DNAJC13: variants seen among roughly 807,000 people sequenced by gnomAD.
DNAJC13 encodes the protein DnaJ heat shock protein family (Hsp40) member C13, also known as dnaJ homolog subfamily C member 13.
In DNAJC13, 75 loss-of-function variants were observed where a neutral mutation model predicts 290.5. The ratio of observed to expected loss-of-function variants is 0.26; its 90% CI spans 0.21 to 0.31. DNAJC13 has a LOEUF of 0.31. Ranked by LOEUF, DNAJC13 falls within the 10% of genes least tolerant of loss-of-function variation. The pLI, the probability that DNAJC13 is intolerant of heterozygous loss-of-function variation, is 1.00. For synonymous variants in DNAJC13, 862 were observed against 892.0 expected (o/e 0.97, Z 0.60); for missense variants, 2,260 against 2,674.5 (o/e 0.85, Z 3.42).
At chr3:132,529,693 A>C (rs1936358502) in intron 54 of DNAJC13, among the ~76,000 whole-genome samples, 1 of 151,488 alleles carries the variant, frequency 6.6e-6, no homozygotes, top group African/African-American at 2.4e-5. Flanking sequence ...AGGCTGAGGC[A>C]GGAGAATGGC....
intron 46 of DNAJC13, among the ~76,000 whole-genome samples, chr3:132,515,860 T>C (rs1935904942): frequency 6.6e-6 from 1 of 152,212 alleles, no homozygotes; most frequent in Non-Finnish European, 1.5e-5. Flanking sequence ...ACTTTATTCC[T>C]TTGGCAACCT....
At chr3:132,487,301 G>T (rs1220779384) in intron 29 of DNAJC13, among the ~76,000 whole-genome samples, 1 of 151,928 alleles carries the variant, frequency 6.6e-6, no homozygotes, top group East Asian at 1.9e-4. Context: ...CTGTCGCCCA[G>T]GTTGGAGTGC....
At chr3:132,493,151 G>C (rs980727598) in intron 33 of DNAJC13, among the ~76,000 whole-genome samples, 2 of 151,512 alleles carry the variant, frequency 1.3e-5, no homozygotes, top group South Asian at 2.1e-4. Flanking sequence ...CCTGGCACGC[G>C]TAAGAGGCAA....
Position 132,538,388 on chromosome 3 carries a change from C to G in DNAJC13, c.*106C>G. 1.3e-6 allele frequency: 1 copy of G among 745,728 alleles called. No homozygotes were observed. The highest frequency in any genetic ancestry group is 2.0e-5 in the South Asian group (1 of 51,072). The allele number at this position is 745,728 out of a possible 1,614,324, so 46.2% of individuals were successfully genotyped here. On this transcript the variant is annotated 3_prime_UTR_variant, in exon 56 of 56. Transcript: ENST00000260818. The stretch of plus-strand genomic sequence containing the variant: ...TACTGCCTTTCTCCTGGTTTCATGA[C>G]AGTGTTATTCCTTTTTCTATAAATA...
chr3:132,483,715 G>A, intron 28 of DNAJC13, 138 bp downstream of exon 28: 1 of 907,618 alleles, frequency 1.1e-6, no homozygotes, highest in East Asian at 2.7e-5. Context: ...GGAATTTTTT[G>A]AAACAGATAT....
intron 42 of DNAJC13, 87 bp from the exon 43 acceptor site, chr3:132,507,150 A>C: frequency 1.2e-6 from 1 of 859,314 alleles, no homozygotes; most frequent in Non-Finnish European, 1.9e-6. Context: ...ATATGCATAG[A>C]TCTCTCAAGT....
At chr3:132,492,122 A>G (rs1413786238) in intron 32 of DNAJC13, among the ~76,000 whole-genome samples, 3 of 152,126 alleles carry the variant, frequency 2.0e-5, no homozygotes, top group East Asian at 1.9e-4. Context: ...ACCCTCATGC[A>G]TTCAGATGCT....
At chr3:132,514,895 AAAATAACCTGG>A in intron 46 of DNAJC13, 2 of 388,712 alleles carry the variant, frequency 5.1e-6, no homozygotes, top group Non-Finnish European at 4.6e-6. Flanking sequence ...AAACCAAAGG[AAAATAACCTGG>A]GATTTTCAGT....
At position 132,513,036 on chromosome 3, in the gene DNAJC13, T is replaced by A; in HGVS notation, c.5322T>A (p.Phe1774Leu). 6.2e-7 allele frequency: 1 copy of A among 1,613,330 alleles called. No homozygotes were observed. The highest frequency in any genetic ancestry group is 8.5e-7 in the Non-Finnish European group (1 of 1,179,406). ...PGSESECIGH[F>L]KLIFSLLRVH... ...CTGAGAGTGAATGCATTGGGCACTT[T>A]AAGTTGATATTTTCTCTTCTCCGAG... The change falls in exon 45 of 56, where the codon TTT becomes TTA. Residue 1774 changes from phenylalanine (F) to leucine (L), a missense_variant. Coordinates refer to ENST00000260818, the MANE Select transcript of DNAJC13 (RefSeq NM_015268.4).
At chr3:132,431,032 T>C (rs1053679185) in intron 1 of DNAJC13, among the ~76,000 whole-genome samples, 6 of 152,198 alleles carry the variant, frequency 3.9e-5, no homozygotes, top group Non-Finnish European at 8.8e-5. Context: ...GTGGTTCCTT[T>C]TGTTATTTTT....
intron 26 of DNAJC13, among the ~76,000 whole-genome samples, 164 bp from the exon 27 acceptor site, chr3:132,482,062 T>C (rs1934694342): frequency 6.6e-6 from 1 of 152,196 alleles, no homozygotes; most frequent in Non-Finnish European, 1.5e-5. Context: ...GTTAGGCATT[T>C]TGTCCTAAAC....
intron 12 of DNAJC13, 145 bp from the exon 13 acceptor site, chr3:132,457,124 G>A: frequency 1.4e-6 from 1 of 706,386 alleles, no homozygotes; most frequent in Non-Finnish European, 2.3e-6. Context: ...AAACTATTAT[G>A]AAGACTGATA....
intron 46 of DNAJC13, 79 bp from the exon 47 acceptor site, chr3:132,516,343 G>A (rs1034099886): frequency 1.9e-5 from 24 of 1,285,640 alleles, no homozygotes; most frequent in Non-Finnish European, 2.6e-5. Flanking sequence ...ATCTAGTTAA[G>A]TGCCTGGCAC....
chr3:132,471,562 C>T (rs1934259445), intron 20 of DNAJC13, among the ~76,000 whole-genome samples: 1 of 139,942 alleles, frequency 7.1e-6, no homozygotes, highest in African/African-American at 2.7e-5. Context: ...CCTCACCTCC[C>T]AGATGGGGTC....
chr3:132,466,045 C>T lies in DNAJC13; in HGVS notation c.1943C>T (p.Ala648Val), dbSNP rs778104066. ...CTCTGGACAGCTGATAATGCAACTGCAACAAACTTGTTGAAACGCATTTTG... is the reference window on the plus strand; with the variant it reads ...CTCTGGACAGCTGATAATGCAACTGTAACAAACTTGTTGAAACGCATTTTG... ...VGLWTADNAT[A>V]TNLLKRILPP... Residue 648 changes from alanine to valine, a missense_variant, in exon 18 of 56, where the codon GCA becomes GTA. Physicochemically the swap from Ala to Val is moderately conservative, Grantham distance 64. Transcript: ENST00000260818. The T allele has an allele frequency of 2.2e-5, 36 of 1,613,808 alleles. No individual in the cohort carries two copies. Among genetic ancestry groups the T allele is most frequent in the Non-Finnish European group, 2.9e-5 (34 of 1,179,900 alleles).
chr3:132,489,071 G>A, intron 31 of DNAJC13, 50 bp downstream of exon 31: 1 of 1,473,178 alleles, frequency 6.8e-7, no homozygotes, highest in Non-Finnish European at 9.5e-7. Flanking sequence ...AGCTGTTTTG[G>A]CACTATAAAG....
chr3:132,424,060 T>G (rs1000469755), intron 1 of DNAJC13, among the ~76,000 whole-genome samples: 2 of 152,114 alleles, frequency 1.3e-5, no homozygotes, highest in Admixed American at 6.5e-5. Context: ...GCTTCAAAGA[T>G]AAAATGAAAT....
chr3:132,471,781 G>A (rs1265231817), intron 20 of DNAJC13, among the ~76,000 whole-genome samples: 2 of 142,056 alleles, frequency 1.4e-5, no homozygotes, highest in African/African-American at 5.0e-5. Flanking sequence ...CAGGCAGAGG[G>A]GCTCCTCACA....
intron 2 of DNAJC13, among the ~76,000 whole-genome samples, chr3:132,443,797 A>G (rs1933151499): frequency 1.3e-5 from 2 of 152,128 alleles, no homozygotes; most frequent in Non-Finnish European, 2.9e-5. Context: ...AGGATGGCTT[A>G]AAGATAGCTC....
Sources: gnomAD v4.1 joint callset for allele counts (sites outside exome capture counted in the v4.1 genomes callset) on GRCh38, gnomAD v4.1.1 for gene constraint, MANE v1.5 for transcripts, NCBI Gene and HGNC (gene_info 2026-07-23, HGNC 2026-07-21) for gene names.